The following GALNT17 variants were observed in gnomAD, a reference collection of about 807,000 sequenced individuals.
GALNT17 encodes the protein polypeptide N-acetylgalactosaminyltransferase 17, also known as UDP-GalNAc:polypeptide N-acetylgalactosaminyltransferase-like 3.
A neutral mutation model predicts 63.7 loss-of-function variants in GALNT17; 29 were observed. That is an observed-to-expected ratio of 0.46 (90% CI 0.34 to 0.62). GALNT17 has a LOEUF of 0.62. Ranked by LOEUF, GALNT17 falls within the 20% of genes least tolerant of loss-of-function variation. The pLI is 0.01. For synonymous variants in GALNT17, 305 were observed against 318.3 expected (o/e 0.96, Z 0.45); for missense variants, 603 against 799.6 (o/e 0.75, Z 2.97).
chr7:71,588,536 C>T (rs1045115666), intron 6 of GALNT17, among the ~76,000 whole-genome samples: 11 of 151,962 alleles, frequency 7.2e-5, no homozygotes, highest in African/African-American at 2.2e-4. Context: ...TCTTTTCTAC[C>T]GAGGCTACAA....
intron 9 of GALNT17, among the ~76,000 whole-genome samples, chr7:71,677,621 T>C (rs1791172754): frequency 6.6e-6 from 1 of 151,912 alleles, no homozygotes; most frequent in African/African-American, 2.4e-5. Flanking sequence ...CTCATGTGAT[T>C]CTCCTGCCTC....
chr7:71,427,604 A>G (rs1487460220), intron 5 of GALNT17, among the ~76,000 whole-genome samples: 1 of 151,834 alleles, frequency 6.6e-6, no homozygotes, highest in Non-Finnish European at 1.5e-5. Context: ...ATGTACTCTT[A>G]TTGCTGGAGT....
chr7:71,575,311 A>G (rs1355580319), intron 6 of GALNT17, among the ~76,000 whole-genome samples: 1 of 152,154 alleles, frequency 6.6e-6, no homozygotes, highest in African/African-American at 2.4e-5. Flanking sequence ...TTACATATAC[A>G]AGCTTACCTG....
chr7:71,533,014 T>G (rs1217133339), intron 5 of GALNT17, among the ~76,000 whole-genome samples: 1 of 152,144 alleles, frequency 6.6e-6, no homozygotes, highest in African/African-American at 2.4e-5. Context: ...TGCTCATGTT[T>G]CTCTTTGACT....
chr7:71,621,466 G>GATGGATGA (rs1224667064), intron 6 of GALNT17, among the ~76,000 whole-genome samples: 2 of 151,330 alleles, frequency 1.3e-5, no homozygotes, highest in African/African-American at 2.4e-5. Flanking sequence ...CGGGTGGATG[G>GATGGATGA]ATGGATGAAT....
intron 5 of GALNT17, among the ~76,000 whole-genome samples, chr7:71,446,145 A>AT (rs1373814713): frequency 6.6e-6 from 1 of 152,178 alleles, no homozygotes; most frequent in Non-Finnish European, 1.5e-5. Context: ...AATAAGAATG[A>AT]TTTTCTGCTC....
chr7:71,534,311 T>G (rs761445979), intron 5 of GALNT17, among the ~76,000 whole-genome samples: 33 of 151,892 alleles, frequency 2.2e-4, no homozygotes, highest in Non-Finnish European at 5.9e-5. Flanking sequence ...TATAAAACCA[T>G]CAGATTGGCC....
intron 5 of GALNT17, among the ~76,000 whole-genome samples, chr7:71,546,245 C>T (rs1291263814): frequency 3.3e-5 from 5 of 151,718 alleles, no homozygotes; most frequent in Admixed American, 1.3e-4. Flanking sequence ...ACTGCAGCCT[C>T]AGCCTCCCTG....
At chr7:71,224,385 T>C (rs1789644423) in intron 1 of GALNT17, among the ~76,000 whole-genome samples, 1 of 152,202 alleles carries the variant, frequency 6.6e-6, no homozygotes, top group East Asian at 1.9e-4. Context: ...AGATTTTCTT[T>C]GTTTCTTATG....
chr7:71,568,838 T>C (rs1185663343), intron 5 of GALNT17, among the ~76,000 whole-genome samples: 1 of 152,192 alleles, frequency 6.6e-6, no homozygotes, highest in African/African-American at 2.4e-5. Flanking sequence ...AGTGTGATTT[T>C]TCTAATTTAC....
At chr7:71,314,659 G>A (rs1791470702) in intron 1 of GALNT17, among the ~76,000 whole-genome samples, 3 of 152,004 alleles carry the variant, frequency 2.0e-5, no homozygotes, top group Admixed American at 2.0e-4. Flanking sequence ...ACTCTACTTT[G>A]GGAGGCCACA....
intron 1 of GALNT17, among the ~76,000 whole-genome samples, chr7:71,188,747 A>G (rs2116332210): frequency 6.6e-6 from 1 of 152,086 alleles, no homozygotes; most frequent in East Asian, 1.9e-4. Flanking sequence ...AGTCCCACCT[A>G]TTTATCTTTG....
At chr7:71,679,308 G>T (rs1461295107) in intron 9 of GALNT17, among the ~76,000 whole-genome samples, 1 of 151,994 alleles carries the variant, frequency 6.6e-6, no homozygotes, top group African/African-American at 2.4e-5. Flanking sequence ...TGAGGTGAGG[G>T]GATCACTTGA....
intron 5 of GALNT17, among the ~76,000 whole-genome samples, chr7:71,442,834 C>T (rs945220662): frequency 2.6e-5 from 4 of 152,236 alleles, no homozygotes; most frequent in African/African-American, 9.6e-5. Context: ...GTGTGTGAGA[C>T]CCGGGAGAGC....
At chr7:71,272,165 A>T (rs1790604207) in intron 1 of GALNT17, among the ~76,000 whole-genome samples, 2 of 152,086 alleles carry the variant, frequency 1.3e-5, no homozygotes, top group African/African-American at 4.8e-5. Flanking sequence ...AATGATTTTG[A>T]TACATGCTAT....
At chr7:71,203,654 G>A (rs1789216449) in intron 1 of GALNT17, among the ~76,000 whole-genome samples, 2 of 152,138 alleles carry the variant, frequency 1.3e-5, no homozygotes, top group African/African-American at 4.8e-5. Context: ...GGTTCTGCAG[G>A]CTTTGCAGGA....
chr7:71,136,138 G>A (rs988359212), intron 1 of GALNT17, among the ~76,000 whole-genome samples: 2 of 152,104 alleles, frequency 1.3e-5, no homozygotes, highest in Admixed American at 6.6e-5. Context: ...TGGGTAATGC[G>A]TGTCCCATCT....
At chr7:71,186,432 C>T (rs915838635) in intron 1 of GALNT17, among the ~76,000 whole-genome samples, 72 of 152,326 alleles carry the variant, frequency 4.7e-4, no homozygotes, top group African/African-American at 1.7e-3. Context: ...CTGAGCGGGG[C>T]CTCTGCCTCC....
intron 5 of GALNT17, among the ~76,000 whole-genome samples, chr7:71,427,289 G>A (rs941996736): frequency 3.3e-5 from 5 of 151,422 alleles, no homozygotes; most frequent in African/African-American, 1.2e-4. Flanking sequence ...GTAGAGACGA[G>A]GTTTTACCGT....
Sources: gnomAD v4.1 joint callset for allele counts (sites outside exome capture counted in the v4.1 genomes callset) on GRCh38, gnomAD v4.1.1 for gene constraint, MANE v1.5 for transcripts, NCBI Gene and HGNC (gene_info 2026-07-23, HGNC 2026-07-21) for gene names.